The following TRPM2 variants were observed in gnomAD, a reference collection of about 807,000 sequenced individuals.
TRPM2 encodes estrogen-responsive element-associated gene 1 protein.
In TRPM2, 161 loss-of-function variants were observed where a neutral mutation model predicts 174.0. The observed-to-expected ratio is 0.93, with a 90% CI of 0.81 to 1.05. TRPM2 has a LOEUF of 1.05. Ranked by LOEUF, TRPM2 falls within the 50% of genes least tolerant of loss-of-function variation. The probability of loss-of-function intolerance (pLI) is 0.00; values close to 1 mark genes in which losing one functional copy is unlikely to be tolerated. For synonymous variants in TRPM2, 954 were observed against 861.3 expected, an observed-to-expected ratio of 1.11 and a Z score of -1.88; for missense variants, 2,057 against 2,038.0, an observed-to-expected ratio of 1.01 and a Z score of -0.18.
upstream of TRPM2, among the ~76,000 whole-genome samples, chr21:44,351,153 C>T (rs2047920750): frequency 6.6e-6 from 1 of 152,140 alleles, no homozygotes; most frequent in Non-Finnish European, 1.5e-5. Context: ...CTGGGCTGGG[C>T]TGGCTGGGGG....
intron 24 of TRPM2, 115 bp downstream of exon 24, chr21:44,425,054 C>G: frequency 1.1e-6 from 1 of 935,896 alleles, no homozygotes; most frequent in South Asian, 1.7e-5. Flanking sequence ...GAGGAAGGCA[C>G]TGGCTGCAGC....
At chr21:44,368,265 G>A (rs1428879297) in intron 4 of TRPM2, among the ~76,000 whole-genome samples, 5 of 152,188 alleles carry the variant, frequency 3.3e-5, no homozygotes, top group East Asian at 3.9e-4. Context: ...GACTAGAGGC[G>A]TATGCCACCA....
rs557506152 is a variant in TRPM2, at chr21:44,404,154, CACATACACAT to C, written c.2539-986_2539-977del. On this transcript the variant is annotated intron_variant, in intron 16 of 31. Coordinates refer to ENST00000397928, the MANE Select transcript of TRPM2 (RefSeq NM_003307.4). ...ACACATATGAACACACACATACAGA[CACATACACAT>C]ATATACACATGCACACACAAAAACA... is the stretch of plus-strand genomic sequence containing the variant. 9.5e-3 allele frequency among the ~76,000 whole-genome samples: 1,449 copies of C among 151,950 alleles called. 20 individuals carry two copies. Among genetic ancestry groups the C allele is most frequent in the African/African-American group, 0.033 (1,365 of 41,414 alleles).
At position 44,442,032 on chromosome 21, in the gene TRPM2, C is replaced by T; in HGVS notation, c.*215C>T. On this transcript the variant is annotated 3_prime_UTR_variant, in exon 32 of 32. Transcript: ENST00000397928. ...GGTGACCCGGGAGGAGAGCTCAAGA[C>T]AGGGCACAGGCTACTCAGAGCTGAG... 1 of 647,860 alleles carries T rather than the reference C, an allele frequency of 1.5e-6. No homozygotes were observed. Among genetic ancestry groups the T allele is most frequent in the Non-Finnish European group, 2.3e-6 (1 of 435,568 alleles). The allele number at this position is 647,860 out of a possible 1,614,324, so 40.1% of individuals were successfully genotyped here.
Position 44,367,009 on chromosome 21 carries a change from G to A in TRPM2, c.604+75G>A. Reference sequence around the variant, plus strand: ...GTGGAGGCAGTGCTGGGGCAATCAGGGCCATCAGGACCCAAAAAGTCCCTG... The same window carrying A: ...GTGGAGGCAGTGCTGGGGCAATCAGAGCCATCAGGACCCAAAAAGTCCCTG... On this transcript the variant is annotated intron_variant, in intron 4 of 31. Coordinates refer to ENST00000397928, the MANE Select transcript of TRPM2 (RefSeq NM_003307.4). The surrounding 1 kb of genome is among the most constrained non-coding windows in gnomAD (Gnocchi z 4.6). The A allele has an allele frequency of 2.0e-6, 3 of 1,474,142 alleles. No homozygotes were observed. The highest frequency in any genetic ancestry group is 2.7e-6 in the Non-Finnish European group (3 of 1,110,646). The allele number at this position is 1,474,142 out of a possible 1,614,324, so 91.3% of individuals were successfully genotyped here.
rs147414297 is a variant in TRPM2, at chr21:44,394,526, A to G, written c.1795-888A>G. On this transcript the variant is annotated intron_variant, in intron 11 of 31. Transcript: ENST00000397928. ...AGTAGAGATGGGGTTTCACTGCGTT[A>G]GCCAGGATGGTCTCGATCTCCTGAC... Among the ~76,000 whole-genome samples, 465 of 151,438 alleles carry G rather than the reference A, an allele frequency of 3.1e-3. 6 individuals carry two copies. The highest frequency in any genetic ancestry group is 0.01 in the Middle Eastern group (3 of 294).
rs181210502 is a variant in TRPM2, at chr21:44,405,898, C to T, written c.2658-7C>T. ...CTGAGATGTGTGTGCTTCTGCCCGG[C>T]GGCCAGGCTCATCCCGGCGACGCTG... is the stretch of plus-strand genomic sequence containing the variant. On this transcript the variant is annotated splice_region_variant and splice_polypyrimidine_tract_variant and intron_variant, in intron 17 of 31. Transcript: ENST00000397928. 6.2e-5 allele frequency: 99 copies of T among 1,599,990 alleles called. No individual in the cohort carries two copies. Among genetic ancestry groups the T allele is most frequent in the African/African-American group, 2.3e-4 (17 of 74,900 alleles).
upstream of TRPM2, chr21:44,350,297 G>C (rs2122995367): frequency 1.3e-5 from 2 of 151,080 alleles, no homozygotes; most frequent in Non-Finnish European, 3.0e-5. Flanking sequence ...CCGGGGCCGG[G>C]GCGAGGGCGC....
At chr21:44,427,140 C>T (rs773486888) in intron 27 of TRPM2, 29 bp downstream of exon 27, 3 of 1,540,308 alleles carry the variant, frequency 1.9e-6, no homozygotes, top group Admixed American at 2.0e-5. Flanking sequence ...GGCCCCGCCC[C>T]GTCAGCCTTT....
In TRPM2 at chr21:44,391,163, C is replaced by T. The variant is rs1290880345; in HGVS notation, c.1441-109C>T. 2 of 1,535,922 alleles carry T rather than the reference C, an allele frequency of 1.3e-6. No homozygotes were observed. Among genetic ancestry groups the T allele is most frequent in the Non-Finnish European group, 1.8e-6 (2 of 1,128,694 alleles). On this transcript the variant is annotated intron_variant, in intron 10 of 31. Coordinates refer to ENST00000397928, the MANE Select transcript of TRPM2 (RefSeq NM_003307.4). The surrounding 1 kb of genome is among the most constrained non-coding windows in gnomAD (Gnocchi z 5.0). Reference sequence around the variant, plus strand: ...GGTGGGTGACCTGGGCAGCTTTCATCCTCCCCAGGTTGGGGACAACAGCAG... The same window carrying T: ...GGTGGGTGACCTGGGCAGCTTTCATTCTCCCCAGGTTGGGGACAACAGCAG...
chr21:44,442,069 A>G lies in TRPM2; in HGVS notation c.*252A>G. The G allele has an allele frequency of 2.3e-6, 1 of 427,160 alleles. No individual in the cohort carries two copies. The highest frequency in any genetic ancestry group is 3.9e-5 in the East Asian group (1 of 25,530). The allele number at this position is 427,160 out of a possible 1,614,324, so 26.5% of individuals were successfully genotyped here. On this transcript the variant is annotated 3_prime_UTR_variant, in exon 32 of 32. Transcript: ENST00000397928. The stretch of plus-strand genomic sequence containing the variant: ...TACTCAGAGCTGAGGGGCCCCTGGG[A>G]CCCTTGGCCATCAGGCGAGGGGCTG...
At chr21:44,351,741 C>T (rs2122997779), upstream of TRPM2, among the ~76,000 whole-genome samples, 4 of 152,156 alleles carry the variant, frequency 2.6e-5, no homozygotes, top group African/African-American at 9.7e-5. Context: ...AGCCATTGGC[C>T]CCCCCACAGC....
At chr21:44,406,945 G>T (rs977606588) in intron 19 of TRPM2, among the ~76,000 whole-genome samples, 180 bp downstream of exon 19, 5 of 150,422 alleles carry the variant, frequency 3.3e-5, no homozygotes, top group East Asian at 2.1e-4. Context: ...AAGTAGAAGG[G>T]GCCCCACCAG....
At chr21:44,380,287 C>G (rs535047352) in intron 8 of TRPM2, among the ~76,000 whole-genome samples, 1 of 152,320 alleles carries the variant, frequency 6.6e-6, no homozygotes, top group Non-Finnish European at 1.5e-5. Context: ...AGGAGAATAA[C>G]ATGATGTAGC....
At chr21:44,380,884 T>TG (rs1013373296) in intron 8 of TRPM2, among the ~76,000 whole-genome samples, 10 of 152,252 alleles carry the variant, frequency 6.6e-5, no homozygotes, top group South Asian at 4.1e-4. Flanking sequence ...GGCGTCCATA[T>TG]GGGCTCAGAC....
intron 11 of TRPM2, among the ~76,000 whole-genome samples, chr21:44,392,701 A>G (rs545601231): frequency 1.3e-5 from 2 of 152,120 alleles, no homozygotes; most frequent in South Asian, 2.1e-4. Context: ...GCTTCAACAT[A>G]TGAATTTTAG....
chr21:44,378,030 G>A (rs1448760860), intron 7 of TRPM2, among the ~76,000 whole-genome samples: 1 of 152,236 alleles, frequency 6.6e-6, no homozygotes, highest in Non-Finnish European at 1.5e-5. Context: ...GAAGGAAAGG[G>A]TGGGGCCCCA....
At chr21:44,425,106 C>A (rs955587779) in intron 24 of TRPM2, 167 bp downstream of exon 24, 7 of 633,942 alleles carry the variant, frequency 1.1e-5, no homozygotes, top group Middle Eastern at 4.3e-4. Flanking sequence ...CTCAGCCCAC[C>A]CACCGACGCT....
In TRPM2 at chr21:44,399,532, T is replaced by C; in HGVS notation, c.2208+91T>C. ...CTGTTCGTGCAGTTGGCACGCACACTCACACAGGCTTCAGGGCCCTCAGCA... is the reference window on the plus strand; with the variant it reads ...CTGTTCGTGCAGTTGGCACGCACACCCACACAGGCTTCAGGGCCCTCAGCA... On this transcript the variant is annotated intron_variant, in intron 14 of 31. Transcript: ENST00000397928. This position sits in a 1 kb window ranked among gnomAD's most constrained non-coding sequence, Gnocchi z 4.6. The C allele has an allele frequency of 6.7e-7, 1 of 1,487,200 alleles. No homozygotes were observed. Among genetic ancestry groups the C allele is most frequent in the Admixed American group, 2.2e-5 (1 of 45,442 alleles). The allele number at this position is 1,487,200 out of a possible 1,614,324, so 92.1% of individuals were successfully genotyped here. A position where few individuals can be genotyped will look rare whatever the true frequency, so the allele number is the denominator to read the frequency against.
Sources: allele counts gnomAD v4.1 joint callset (sites outside exome capture counted in the v4.1 genomes callset), GRCh38; gene constraint gnomAD v4.1.1; non-coding constraint Gnocchi (gnomAD v3.1); transcripts MANE v1.5; gene names NCBI Gene and HGNC (gene_info 2026-07-23, HGNC 2026-07-21).